Variants in SASS6 observed in about 807,000 individuals in gnomAD.
The protein encoded by SASS6 is spindle assembly abnormal protein 6 homolog.
In SASS6, 59 loss-of-function variants were observed where a neutral mutation model predicts 94.9. The observed-to-expected ratio is 0.62, with a 90% confidence interval of 0.50 to 0.77. The LOEUF is 0.77. SASS6 is among the 30% of genes least tolerant of loss of function. SASS6 has a pLI of 0.00. For synonymous variants in SASS6, 264 were observed against 270.0 expected (o/e 0.98, Z 0.22); for missense variants, 698 against 734.1 (o/e 0.95, Z 0.57).
At chr1:100,117,696 T>C (rs554608418) in intron 7 of SASS6, among the ~76,000 whole-genome samples, 15 of 143,758 alleles carry the variant, frequency 1.0e-4, no homozygotes, top group Non-Finnish European at 2.0e-4. Flanking sequence ...GAAAAAGGGA[T>C]GAAAAGACAA....
At chr1:100,129,338 C>T (rs1654847316) in intron 1 of SASS6, among the ~76,000 whole-genome samples, 1 of 152,102 alleles carries the variant, frequency 6.6e-6, no homozygotes, top group South Asian at 2.1e-4. Flanking sequence ...AGATTAATGA[C>T]TTTTTGCTAG....
chr1:100,088,328 T>C (rs1651451301), intron 14 of SASS6, 92 bp from the exon 15 acceptor site: 1 of 642,526 alleles, frequency 1.6e-6, no homozygotes, highest in Admixed American at 2.1e-5. Context: ...CCTTGCTCTG[T>C]TGCTTAAGCT....
intron 14 of SASS6, among the ~76,000 whole-genome samples, chr1:100,094,922 A>G (rs1652011059): frequency 6.6e-6 from 1 of 152,068 alleles, no homozygotes; most frequent in African/African-American, 2.4e-5. Context: ...CGATATATAA[A>G]AAGAATACAC....
At chr1:100,121,611 T>C (rs1654206395) in intron 4 of SASS6, 62 bp from the exon 5 acceptor site, 1 of 919,218 alleles carries the variant, frequency 1.1e-6, no homozygotes, top group Admixed American at 2.5e-5. Flanking sequence ...TCTCACTGAA[T>C]CAGAAGCTTC....
At chr1:100,087,640 T>G (rs773217950) in intron 15 of SASS6, among the ~76,000 whole-genome samples, 83 of 152,192 alleles carry the variant, frequency 5.5e-4, no homozygotes, top group Admixed American at 1.6e-3. Context: ...TTTTGTTATC[T>G]ATGGGAAAAT....
chr1:100,103,267 T>C (rs1652642367), intron 13 of SASS6, among the ~76,000 whole-genome samples, 184 bp from the exon 14 acceptor site: 1 of 152,142 alleles, frequency 6.6e-6, no homozygotes, highest in Non-Finnish European at 1.5e-5. Context: ...TAGGATAACT[T>C]TGAACTAGAG....
In SASS6 at chr1:100,085,030, TC is replaced by T; in HGVS notation, c.*297del. ...ATGATCAGAATCTCCCTCATAAGGA[TC>T]AACTCTTTCCTTAGAACTGAATTTC... On this transcript the variant is annotated 3_prime_UTR_variant, in exon 17 of 17. Transcript: ENST00000287482. 3.7e-6 allele frequency: 1 copy of T among 268,242 alleles called. No individual in the cohort carries two copies. The highest frequency in any genetic ancestry group is 7.3e-5 in the East Asian group (1 of 13,666). 16.6% of individuals were successfully genotyped at this position (268,242 alleles called of 1,614,324 possible). A position where few individuals can be genotyped will look rare whatever the true frequency, so the allele number is the denominator to read the frequency against.
chr1:100,114,163 G>A (rs575554352), intron 7 of SASS6, among the ~76,000 whole-genome samples: 30 of 152,292 alleles, frequency 2.0e-4, no homozygotes, highest in African/African-American at 6.5e-4. Context: ...CTAGGTGAGT[G>A]ATCCAAATGG....
chr1:100,098,227 T>C (rs949876029), intron 14 of SASS6, among the ~76,000 whole-genome samples: 2 of 151,832 alleles, frequency 1.3e-5, no homozygotes, highest in Admixed American at 1.3e-4. Context: ...AGAACACTTA[T>C]AAAACCATTT....
chr1:100,096,202 A>G (rs1320232925), intron 14 of SASS6, among the ~76,000 whole-genome samples: 26 of 152,244 alleles, frequency 1.7e-4, no homozygotes, highest in Admixed American at 1.7e-3. Flanking sequence ...AGGCATAAAA[A>G]TCAATGAAAC....
At chr1:100,131,229 C>G (rs1654996749) in intron 1 of SASS6, among the ~76,000 whole-genome samples, 1 of 148,938 alleles carries the variant, frequency 6.7e-6, no homozygotes. Context: ...CTCGCTCTAT[C>G]ACCCAGGCTG....
intron 14 of SASS6, among the ~76,000 whole-genome samples, chr1:100,088,583 A>G (rs528046665): frequency 7.8e-4 from 109 of 139,646 alleles, no homozygotes; most frequent in Non-Finnish European, 1.1e-3. Flanking sequence ...AGCCACCATT[A>G]CCGGGGTGAA....
chr1:100,085,372 A>G lies in SASS6; in HGVS notation c.1930T>C (p.Ser644Pro). ...HTSSKPTALPSASSAYFPGQL... is the reference protein window; with the variant it reads ...HTSSKPTALPPASSAYFPGQL... ...CCAGGGAAATAGGCTGAAGACGCAG[A>G]GGGGAGCGCTGTGGGTTTGGAAGAT... Residue 644 changes from serine to proline, a missense_variant, in exon 17 of 17, where the codon TCT (serine) becomes CCT (proline). By Grantham distance (74) the Ser-to-Pro change is moderately conservative (BLOSUM62 -1). Transcript: ENST00000287482. 1 of 1,613,620 alleles carries G rather than the reference A, an allele frequency of 6.2e-7. No individual in the cohort carries two copies.
intron 14 of SASS6, among the ~76,000 whole-genome samples, chr1:100,093,788 A>T (rs1423306904): frequency 6.6e-6 from 1 of 152,146 alleles, no homozygotes; most frequent in East Asian, 1.9e-4. Flanking sequence ...AAGAAAAAAA[A>T]ATATTTTAAA....
chr1:100,113,969 T>C (rs938443713), intron 7 of SASS6, among the ~76,000 whole-genome samples: 4 of 152,036 alleles, frequency 2.6e-5, no homozygotes, highest in Non-Finnish European at 4.4e-5. Context: ...GAGTCCAGCC[T>C]GGGCAACATA....
chr1:100,115,567 T>C (rs949666621), intron 7 of SASS6, among the ~76,000 whole-genome samples: 1 of 152,148 alleles, frequency 6.6e-6, no homozygotes, highest in Non-Finnish European at 1.5e-5. Context: ...GTGGCTCATG[T>C]TGGTAATCTC....
At chr1:100,121,036 C>A (rs944801524) in intron 5 of SASS6, among the ~76,000 whole-genome samples, 1 of 130,208 alleles carries the variant, frequency 7.7e-6, no homozygotes, top group East Asian at 2.2e-4. Context: ...GGCGACAGAG[C>A]GAGACTCCGT....
chr1:100,121,305 T>C (rs1488288484), intron 5 of SASS6, 73 bp downstream of exon 5: 35 of 829,428 alleles, frequency 4.2e-5, no homozygotes, highest in Non-Finnish European at 6.3e-5. Context: ...TATGGCAATG[T>C]ATCTCTTCAA....
At chr1:100,104,571 T>G (rs1366434197) in intron 13 of SASS6, among the ~76,000 whole-genome samples, 1 of 151,752 alleles carries the variant, frequency 6.6e-6, no homozygotes, top group African/African-American at 2.4e-5. Context: ...GCAGTTCCCC[T>G]GCCTCAGTCT....
Sources: gnomAD v4.1 joint callset for allele counts (sites outside exome capture counted in the v4.1 genomes callset) on GRCh38, gnomAD v4.1.1 for gene constraint, MANE v1.5 for transcripts, NCBI Gene and HGNC (gene_info 2026-07-23, HGNC 2026-07-21) for gene names.